Variants in ZIM2 observed in about 807,000 individuals in gnomAD.
ZIM2 encodes the protein zinc finger protein 656.
A neutral mutation model predicts 38.6 loss-of-function variants in ZIM2; 14 were observed. That is an observed-to-expected ratio of 0.36 (90% CI 0.24 to 0.57). ZIM2 has a LOEUF of 0.57. Ranked by LOEUF, ZIM2 falls within the 20% of genes least tolerant of loss-of-function variation. The pLI, the probability that ZIM2 is intolerant of heterozygous loss-of-function variation, is 0.81. For missense variants in ZIM2, 680 were observed against 695.1 expected (o/e 0.98, Z 0.24); for synonymous variants, 247 against 245.8 (o/e 1.00, Z -0.04).
intron 9 of ZIM2, among the ~76,000 whole-genome samples, chr19:56,804,142 G>T (rs1167165350): frequency 6.6e-6 from 1 of 152,250 alleles, no homozygotes; most frequent in Non-Finnish European, 1.5e-5. Context: ...GAGGAACTCA[G>T]AGAGGGCTCC....
intron 9 of ZIM2, chr19:56,810,701 TTTTCA>T (rs758696018): frequency 2.1e-5 from 21 of 983,060 alleles, no homozygotes; most frequent in South Asian, 1.4e-4. Flanking sequence ...TTTCCACATC[TTTTCA>T]TTTAAGACTT....
intron 9 of ZIM2, chr19:56,812,990 A>G: frequency 1.0e-6 from 1 of 985,858 alleles, no homozygotes; most frequent in South Asian, 4.7e-5. Context: ...AAATGGCTGC[A>G]GAAAGAAGCT....
At chr19:56,784,334 T>C (rs978829657) in intron 10 of ZIM2, among the ~76,000 whole-genome samples, 1 of 152,196 alleles carries the variant, frequency 6.6e-6, no homozygotes, top group Non-Finnish European at 1.5e-5. Context: ...TATGCTACAA[T>C]ACCTTGAATA....
intron 9 of ZIM2, chr19:56,790,228 TGTCCA>T (rs1313918705): frequency 2.9e-6 from 1 of 339,838 alleles, no homozygotes; most frequent in Admixed American, 4.7e-5. Context: ...CGGGCCTCAC[TGTCCA>T]GTCAAGATCA....
chr19:56,830,483 A>C (rs569526004), intron 2 of ZIM2, among the ~76,000 whole-genome samples: 1 of 152,372 alleles, frequency 6.6e-6, no homozygotes, highest in Non-Finnish European at 1.5e-5. Flanking sequence ...AAATACATGC[A>C]AACAAGCATG....
chr19:56,803,797 G>T (rs975289823), intron 9 of ZIM2, among the ~76,000 whole-genome samples: 1 of 152,164 alleles, frequency 6.6e-6, no homozygotes, highest in South Asian at 2.1e-4. Context: ...TGCCACTTTT[G>T]CCTTTCCTCC....
At chr19:56,796,692 T>C (rs976165734) in intron 9 of ZIM2, among the ~76,000 whole-genome samples, 1 of 152,154 alleles carries the variant, frequency 6.6e-6, no homozygotes, top group African/African-American at 2.4e-5. Flanking sequence ...AGGCTGACCA[T>C]ATGCCCAGAA....
chr19:56,816,239 G>A (rs1350959306), intron 9 of ZIM2: 1 of 1,614,080 alleles, frequency 6.2e-7, no homozygotes, highest in Non-Finnish European at 8.5e-7. Context: ...GTTATAGTAT[G>A]ACTCTTCTGA....
At chr19:56,840,527 C>T (rs367716387) in intron 1 of ZIM2, 55 bp downstream of exon 1, 2 of 152,268 alleles carry the variant, frequency 1.3e-5, no homozygotes, top group Non-Finnish European at 2.9e-5. Context: ...AGAGCCGTCG[C>T]GACACCAAGG....
At chr19:56,798,543 T>G (rs909989798) in intron 9 of ZIM2, 1 of 152,130 alleles carries the variant, frequency 6.6e-6, no homozygotes, top group South Asian at 2.1e-4. Context: ...ATTCAGGACA[T>G]GGGCACAGGC....
intron 9 of ZIM2, chr19:56,812,141 A>AT (rs1035128338): frequency 1.3e-5 from 13 of 965,858 alleles, no homozygotes; most frequent in African/African-American, 7.1e-5. Flanking sequence ...TAAATTTTAT[A>AT]TTTTTTTTCC....
Position 56,821,851 on chromosome 19 carries a change from G to C in ZIM2, c.191-97C>G. 1.0e-5 allele frequency: 13 copies of C among 1,305,502 alleles called. No individual in the cohort carries two copies. The South Asian group carries it at 1.2e-4, about 12-fold the overall frequency. 80.9% of individuals were successfully genotyped at this position (1,305,502 alleles called of 1,614,324 possible). A position where few individuals can be genotyped will look rare whatever the true frequency, so the allele number is the denominator to read the frequency against. ...AACTATGAAGCCAGCTGGGGTGTGA[G>C]TGTATGAGAGCAAGTGCCTTTCTCT... On this transcript the variant is annotated intron_variant, in intron 6 of 12. Coordinates refer to ENST00000629319, the MANE Select transcript of ZIM2 (RefSeq NM_001387356.1).
At chr19:56,825,876 C>T in intron 3 of ZIM2, among the ~76,000 whole-genome samples, 1 of 152,162 alleles carries the variant, frequency 6.6e-6, no homozygotes, top group East Asian at 1.9e-4. Flanking sequence ...TCTCATTAGA[C>T]ATTATCACTT....
At chr19:56,823,319 G>A (rs1044747592) in intron 5 of ZIM2, among the ~76,000 whole-genome samples, 1 of 152,160 alleles carries the variant, frequency 6.6e-6, no homozygotes, top group African/African-American at 2.4e-5. Context: ...GGAGGCTGGG[G>A]GTACAGCTGG....
At chr19:56,820,418 G>T (rs1336548291) in intron 7 of ZIM2, among the ~76,000 whole-genome samples, 1 of 152,186 alleles carries the variant, frequency 6.6e-6, no homozygotes, top group Non-Finnish European at 1.5e-5. Context: ...TTCACACATT[G>T]TCAAGGAAGG....
intron 10 of ZIM2, among the ~76,000 whole-genome samples, chr19:56,786,946 C>T (rs191908758): frequency 1.2e-4 from 18 of 152,290 alleles, no homozygotes; most frequent in African/African-American, 3.1e-4. Flanking sequence ...AAGCAATTCT[C>T]GTGCCTCAGC....
intron 9 of ZIM2, among the ~76,000 whole-genome samples, chr19:56,809,686 G>A (rs1216058892): frequency 6.6e-6 from 1 of 152,122 alleles, no homozygotes; most frequent in Non-Finnish European, 1.5e-5. Context: ...GCAAGAGTCA[G>A]GAATAAACAC....
At chr19:56,801,331 CT>C (rs2047516745) in intron 9 of ZIM2, among the ~76,000 whole-genome samples, 1 of 152,062 alleles carries the variant, frequency 6.6e-6, no homozygotes, top group East Asian at 1.9e-4. Flanking sequence ...CCTCAGTGGC[CT>C]CTGCAGGCAA....
intron 4 of ZIM2, 43 bp downstream of exon 4, chr19:56,824,219 C>T: frequency 6.3e-7 from 1 of 1,591,510 alleles, no homozygotes; most frequent in Non-Finnish European, 8.6e-7. Context: ...CAGGGGACAC[C>T]TGAGGCCTGC....
Sources: gnomAD v4.1 joint callset for allele counts (sites outside exome capture counted in the v4.1 genomes callset) on GRCh38, gnomAD v4.1.1 for gene constraint, MANE v1.5 for transcripts, NCBI Gene and HGNC (gene_info 2026-07-23, HGNC 2026-07-21) for gene names.